KCNK2: variants seen among roughly 807,000 people sequenced by gnomAD.
KCNK2 encodes the protein potassium two pore domain channel subfamily K member 2, also known as potassium channel subfamily K member 2.
KCNK2 carries 21 observed loss-of-function variants against 40.5 expected under a neutral mutation model. The ratio of observed to expected loss-of-function variants is 0.52; its 90% CI spans 0.37 to 0.75. KCNK2 has a LOEUF of 0.75. Among genes scored for constraint, KCNK2 ranks in the 30% least tolerant of loss-of-function variants. The pLI is 0.00. For synonymous variants in KCNK2, 191 were observed against 202.2 expected, an observed-to-expected ratio of 0.94 and a Z score of 0.47; for missense variants, 399 against 531.6, an observed-to-expected ratio of 0.75 and a Z score of 2.45.
At chr1:215,106,626 A>G (rs896353871) in intron 2 of KCNK2, among the ~76,000 whole-genome samples, 1 of 152,046 alleles carries the variant, frequency 6.6e-6, no homozygotes, top group Non-Finnish European at 1.5e-5. Flanking sequence ...TTTTGATGCA[A>G]TTGCCTTTGA....
chr1:215,188,702 ATTG>A (rs1205027426), intron 5 of KCNK2, among the ~76,000 whole-genome samples: 2 of 152,136 alleles, frequency 1.3e-5, no homozygotes, highest in African/African-American at 4.8e-5. Flanking sequence ...TAAAATTGCT[ATTG>A]TTGAGCTGAT....
chr1:215,046,437 G>C (rs113554123), intron 1 of KCNK2, among the ~76,000 whole-genome samples: 8 of 152,140 alleles, frequency 5.3e-5, no homozygotes, highest in Non-Finnish European at 1.0e-4. Context: ...TTTGATCTTA[G>C]TATTTAAGCA....
At chr1:215,035,234 C>T (rs1006882404) in intron 1 of KCNK2, among the ~76,000 whole-genome samples, 2 of 152,074 alleles carry the variant, frequency 1.3e-5, no homozygotes, top group Non-Finnish European at 2.9e-5. Context: ...TTGTTACAGT[C>T]CACATGCTAT....
chr1:215,159,340 C>T (rs1482044557), intron 3 of KCNK2, among the ~76,000 whole-genome samples: 2 of 152,058 alleles, frequency 1.3e-5, no homozygotes, highest in Admixed American at 6.6e-5. Flanking sequence ...TTGTCCTCTG[C>T]GCAGAGCATA....
At chr1:215,036,700 G>GAAC (rs1188109954) in intron 1 of KCNK2, among the ~76,000 whole-genome samples, 18 of 151,700 alleles carry the variant, frequency 1.2e-4, no homozygotes, top group African/African-American at 4.1e-4. Context: ...TGCTGCTTAT[G>GAAC]AACAATGTTT....
At chr1:215,233,885 T>G (rs1337460128) in intron 6 of KCNK2, among the ~76,000 whole-genome samples, 2 of 152,246 alleles carry the variant, frequency 1.3e-5, no homozygotes, top group African/African-American at 4.8e-5. Context: ...GACACAAACA[T>G]ACGGATGCAG....
At chr1:215,065,333 G>C (rs946091972) in intron 1 of KCNK2, among the ~76,000 whole-genome samples, 3 of 151,916 alleles carry the variant, frequency 2.0e-5, no homozygotes, top group African/African-American at 7.3e-5. Flanking sequence ...AGAAGTTACA[G>C]AGAAATTTAT....
At chr1:215,013,312 C>G (rs1052842822) in intron 1 of KCNK2, among the ~76,000 whole-genome samples, 4 of 152,086 alleles carry the variant, frequency 2.6e-5, no homozygotes, top group Non-Finnish European at 5.9e-5. Flanking sequence ...TAATTTAGTA[C>G]CACTAATACC....
intron 2 of KCNK2, among the ~76,000 whole-genome samples, chr1:215,095,572 A>G (rs1402787205): frequency 6.6e-6 from 1 of 152,088 alleles, no homozygotes; most frequent in Non-Finnish European, 1.5e-5. Flanking sequence ...TTAAAATTGC[A>G]GAGCTTCTAT....
chr1:215,196,668 T>G (rs1353232030), intron 6 of KCNK2, among the ~76,000 whole-genome samples: 1 of 152,048 alleles, frequency 6.6e-6, no homozygotes, highest in African/African-American at 2.4e-5. Context: ...GCTCATTGTA[T>G]GTGGTGTGCG....
intron 2 of KCNK2, among the ~76,000 whole-genome samples, chr1:215,093,784 TTA>T (rs1659833740): frequency 6.4e-5 from 1 of 15,576 alleles, no homozygotes; most frequent in Non-Finnish European, 1.9e-4. Context: ...ATATTATATA[TTA>T]TATATTATAT....
chr1:215,127,427 T>A (rs1412058259), intron 3 of KCNK2, among the ~76,000 whole-genome samples: 1 of 152,198 alleles, frequency 6.6e-6, no homozygotes, highest in Non-Finnish European at 1.5e-5. Flanking sequence ...ACAAATTCTA[T>A]TCCATAGTTT....
At chr1:215,056,614 TC>T (rs1287451823) in intron 1 of KCNK2, among the ~76,000 whole-genome samples, 5 of 74,022 alleles carry the variant, frequency 6.8e-5, no homozygotes, top group Non-Finnish European at 1.3e-4. Context: ...TTGTGTCCAC[TC>T]TTTTTTTTTT....
In KCNK2 at chr1:215,236,957, T is replaced by G. The variant is rs891719500; in HGVS notation, c.*1812T>G. The G allele has an allele frequency of 6.6e-6, 1 of 152,610 alleles. No homozygotes were observed. Among genetic ancestry groups the G allele is most frequent in the African/African-American group, 2.4e-5 (1 of 41,454 alleles). 9.5% of individuals were successfully genotyped at this position (152,610 alleles called of 1,614,324 possible). ...AGTTAAAAAAAATCCAACCAAAATT[T>G]TAGAAAGTCAGGCTCTTTTAGAAAG... On this transcript the variant is annotated 3_prime_UTR_variant, in exon 7 of 7. Transcript: ENST00000444842.
At chr1:215,053,590 C>T (rs1263413685) in intron 1 of KCNK2, among the ~76,000 whole-genome samples, 1 of 152,196 alleles carries the variant, frequency 6.6e-6, no homozygotes, top group Admixed American at 6.5e-5. Flanking sequence ...GAACTCAAAT[C>T]ACAATTGCAA....
At chr1:215,009,480 A>G (rs1306512099) in intron 1 of KCNK2, among the ~76,000 whole-genome samples, 3 of 152,106 alleles carry the variant, frequency 2.0e-5, no homozygotes, top group Non-Finnish European at 4.4e-5. Context: ...TCTCACTTTG[A>G]AGTGGAGAGA....
chr1:215,189,451 A>T (rs1218219005), intron 5 of KCNK2, among the ~76,000 whole-genome samples: 1 of 152,166 alleles, frequency 6.6e-6, no homozygotes, highest in East Asian at 1.9e-4. Context: ...TTTATAAAGG[A>T]TGAGTGAGTG....
chr1:215,192,524 T>C (rs943000162), intron 5 of KCNK2, among the ~76,000 whole-genome samples: 3 of 152,226 alleles, frequency 2.0e-5, no homozygotes, highest in African/African-American at 7.2e-5. Flanking sequence ...GGTGAACTTA[T>C]GTGTTAAATG....
chr1:215,047,159 T>C (rs1657806168), intron 1 of KCNK2, among the ~76,000 whole-genome samples: 1 of 152,118 alleles, frequency 6.6e-6, no homozygotes, highest in Non-Finnish European at 1.5e-5. Context: ...AATGTTCTCC[T>C]TGAAAAGATT....
Sources: gnomAD v4.1 joint callset for allele counts (sites outside exome capture counted in the v4.1 genomes callset) on GRCh38, gnomAD v4.1.1 for gene constraint, MANE v1.5 for transcripts, NCBI Gene and HGNC (gene_info 2026-07-23, HGNC 2026-07-21) for gene names.